The following NCK2 variants were observed in gnomAD, a reference collection of about 807,000 sequenced individuals.
NCK2 encodes cytoplasmic protein NCK2.
Under a neutral mutation model 33.9 loss-of-function variants are expected in NCK2, and 16 were observed. The ratio of observed to expected loss-of-function variants is 0.47; its 90% confidence interval spans 0.32 to 0.72. The LOEUF is 0.72. NCK2 is among the 30% of genes least tolerant of loss of function. The pLI, the probability that NCK2 is intolerant of heterozygous loss-of-function variation, is 0.03. For missense variants in NCK2, 418 were observed against 537.3 expected, an observed-to-expected ratio of 0.78 and a Z score of 2.19; for synonymous variants, 273 against 239.9, an observed-to-expected ratio of 1.14 and a Z score of -1.27.
At chr2:105,774,986 C>A (rs557300564) in intron 1 of NCK2, among the ~76,000 whole-genome samples, 1 of 152,158 alleles carries the variant, frequency 6.6e-6, no homozygotes, top group Non-Finnish European at 1.5e-5. Context: ...TGAGGCCAGC[C>A]TGGGCTGTAT....
intron 1 of NCK2, among the ~76,000 whole-genome samples, chr2:105,781,285 G>A (rs1028200036): frequency 2.0e-5 from 3 of 146,848 alleles, no homozygotes; most frequent in African/African-American, 7.3e-5. Context: ...AGGGAGCCGT[G>A]CACTTTTTAC....
At chr2:105,882,995 A>G (rs1264267042) in intron 4 of NCK2, among the ~76,000 whole-genome samples, 1 of 152,186 alleles carries the variant, frequency 6.6e-6, no homozygotes, top group East Asian at 1.9e-4. Flanking sequence ...TGCTCATTCA[A>G]GGGTCCTGTT....
intron 2 of NCK2, among the ~76,000 whole-genome samples, chr2:105,843,030 T>C (rs1168903082): frequency 6.6e-6 from 1 of 152,194 alleles, no homozygotes; most frequent in Non-Finnish European, 1.5e-5. Context: ...AGAGTCTGCA[T>C]AGGAGAAATC....
chr2:105,861,026 T>G (rs1320853643), intron 3 of NCK2, among the ~76,000 whole-genome samples: 1 of 151,966 alleles, frequency 6.6e-6, no homozygotes, highest in Non-Finnish European at 1.5e-5. Flanking sequence ...GAGTCAAACC[T>G]GGTGTGGAAA....
intron 4 of NCK2, among the ~76,000 whole-genome samples, chr2:105,883,259 G>A (rs574808798): frequency 2.0e-5 from 3 of 152,204 alleles, no homozygotes; most frequent in East Asian, 3.8e-4. Context: ...CTCACATGAC[G>A]AGAGCTCTGT....
chr2:105,838,106 T>C (rs1018870766), intron 2 of NCK2, among the ~76,000 whole-genome samples: 7 of 152,106 alleles, frequency 4.6e-5, no homozygotes, highest in Non-Finnish European at 4.4e-5. Flanking sequence ...ACAGTCCTTT[T>C]TTTTTTTGTA....
chr2:105,776,506 C>T (rs1196931868), intron 1 of NCK2, among the ~76,000 whole-genome samples: 2 of 152,112 alleles, frequency 1.3e-5, no homozygotes, highest in East Asian at 3.9e-4. Context: ...TGCTAGCCTA[C>T]CCACCCGTGG....
At chr2:105,749,971 A>G (rs981631318) in intron 1 of NCK2, among the ~76,000 whole-genome samples, 1 of 151,686 alleles carries the variant, frequency 6.6e-6, no homozygotes, top group African/African-American at 2.4e-5. Flanking sequence ...CGGAGGTTGC[A>G]GTGAGCCAAG....
intron 1 of NCK2, among the ~76,000 whole-genome samples, chr2:105,771,163 C>A (rs1302607636): frequency 2.6e-5 from 4 of 152,046 alleles, no homozygotes; most frequent in Non-Finnish European, 5.9e-5. Flanking sequence ...ACCTCGTGAT[C>A]CGCCTGCCTT....
At chr2:105,831,130 T>A (rs1200870695) in intron 2 of NCK2, among the ~76,000 whole-genome samples, 2 of 152,182 alleles carry the variant, frequency 1.3e-5, no homozygotes, top group Non-Finnish European at 2.9e-5. Context: ...TGTTGAAGTC[T>A]TAACTATAAA....
At chr2:105,855,461 A>G in intron 3 of NCK2, 172 bp downstream of exon 3, 1 of 584,972 alleles carries the variant, frequency 1.7e-6, no homozygotes, top group East Asian at 3.0e-5. Context: ...GAGAAAGAGG[A>G]TGTTTTTCAT....
At chr2:105,818,297 A>AGGG (rs1558852325) in intron 2 of NCK2, among the ~76,000 whole-genome samples, 2 of 75,316 alleles carry the variant, frequency 2.7e-5, no homozygotes, top group Non-Finnish European at 5.3e-5. Context: ...GGGAGGGGGG[A>AGGG]GGGATAGCAT....
In NCK2 at chr2:105,894,241, G is replaced by T. The variant is rs1284458513; in HGVS notation, c.*1065G>T. Reference sequence around the variant, plus strand: ...CCTAAACTTGCATACCCAGTTTTTTGGATATTGTAATAAAAAAAAGTATTA... The same window carrying T: ...CCTAAACTTGCATACCCAGTTTTTTTGATATTGTAATAAAAAAAAGTATTA... On this transcript the variant is annotated 3_prime_UTR_variant, in exon 5 of 5. Coordinates refer to ENST00000233154, the MANE Select transcript of NCK2 (RefSeq NM_003581.5). 1 of 152,424 alleles carries T rather than the reference G, an allele frequency of 6.6e-6. No homozygotes were observed. Among genetic ancestry groups the T allele is most frequent in the Non-Finnish European group, 1.5e-5 (1 of 68,012 alleles). 9.4% of individuals were successfully genotyped at this position (152,424 alleles called of 1,614,324 possible). A position where few individuals can be genotyped will look rare whatever the true frequency, so the allele number is the denominator to read the frequency against.
At chr2:105,792,855 G>A (rs1017404465) in intron 1 of NCK2, among the ~76,000 whole-genome samples, 3 of 152,136 alleles carry the variant, frequency 2.0e-5, no homozygotes, top group East Asian at 3.9e-4. Context: ...AATGCACAGG[G>A]GTTGCAAAGT....
intron 3 of NCK2, among the ~76,000 whole-genome samples, chr2:105,875,718 G>A (rs1038556921): frequency 1.5e-4 from 23 of 152,322 alleles, no homozygotes; most frequent in Non-Finnish European, 2.9e-4. Context: ...GCCTTGACAT[G>A]GGGCTTCCAG....
rs534722466 is a variant in NCK2 at position 105,842,085 on chromosome 2, G to T, written c.-16-12963G>T. 1.9e-3 allele frequency among the ~76,000 whole-genome samples: 291 copies of T among 151,754 alleles called. 1 individual carries two copies. The highest frequency in any genetic ancestry group is 5.2e-3 in the African/African-American group (214 of 41,372). ...GAAAGTAGTAATAGTATTTGTGGGGGTTTTTTTCTTTTTTTTTTTGAGCCG... is the reference window on the plus strand; with the variant it reads ...GAAAGTAGTAATAGTATTTGTGGGGTTTTTTTTCTTTTTTTTTTTGAGCCG... On this transcript the variant is annotated intron_variant, in intron 2 of 4. Transcript: ENST00000233154.
chr2:105,883,288 C>G (rs1284352953), intron 4 of NCK2, among the ~76,000 whole-genome samples: 1 of 152,172 alleles, frequency 6.6e-6, no homozygotes, highest in Non-Finnish European at 1.5e-5. Flanking sequence ...TCTTTTAGAT[C>G]GTGTTTGAAG....
chr2:105,807,751 C>CTCTA, intron 1 of NCK2, among the ~76,000 whole-genome samples: 1 of 115,174 alleles, frequency 8.7e-6, no homozygotes, highest in Admixed American at 8.2e-5. Context: ...CCTTCCTTCC[C>CTCTA]TCCCTCCCTC....
chr2:105,770,143 GAAAAA>G, intron 1 of NCK2, among the ~76,000 whole-genome samples: 1 of 139,834 alleles, frequency 7.2e-6, no homozygotes, highest in East Asian at 2.1e-4. Flanking sequence ...AAAAAAAAAA[GAAAAA>G]GGTATATTGC....
Sources: allele counts gnomAD v4.1 joint callset (sites outside exome capture counted in the v4.1 genomes callset), GRCh38; gene constraint gnomAD v4.1.1; transcripts MANE v1.5; gene names NCBI Gene and HGNC (gene_info 2026-07-23, HGNC 2026-07-21).